Variants in PDIA2 observed in about 807,000 individuals in gnomAD.
PDIA2 encodes the protein protein disulfide isomerase family A member 2.
A neutral mutation model predicts 51.1 loss-of-function variants in PDIA2; 76 were observed. That is an observed-to-expected ratio of 1.49 (90% confidence interval 1.24 to 1.80). The LOEUF is 1.80. Ranked by LOEUF, PDIA2 falls within the 40% of genes most tolerant of loss-of-function variation. The probability of loss-of-function intolerance (pLI) is 0.00; values close to 1 mark genes in which losing one functional copy is unlikely to be tolerated. For missense variants in PDIA2, 946 were observed against 706.5 expected (o/e 1.34, Z -3.84); for synonymous variants, 429 against 309.9 (o/e 1.38, Z -4.04).
chr16:283,611 C>G (rs568187547), intron 1 of PDIA2, among the ~76,000 whole-genome samples: 47 of 152,326 alleles, frequency 3.1e-4, no homozygotes, highest in Non-Finnish European at 6.3e-4. Context: ...CCTCCCTGCT[C>G]GGCCAGCGGC....
In PDIA2 at chr16:284,669, C is replaced by T. The variant is rs371295733; in HGVS notation, c.417C>T (p.Asp139=). 4.8e-5 allele frequency: 77 copies of T among 1,593,514 alleles called. 2 individuals carry two copies. The highest frequency in any genetic ancestry group is 2.1e-4 in the South Asian group (19 of 89,786). ...THPEEYTGPR[D]AEGIAEWLRR... ...GGGGACTCCCTGCAGGACCACGGGA[C>T]GCTGAGGGCATTGCCGAGTGGCTGC... Residue 139 remains aspartate (D), a synonymous_variant, in exon 3 of 11, where the codon GAC becomes GAT. Transcript: ENST00000219406.
chr16:283,743 T>C (rs1182443684), intron 1 of PDIA2, among the ~76,000 whole-genome samples: 2 of 152,212 alleles, frequency 1.3e-5, no homozygotes, highest in African/African-American at 4.8e-5. Flanking sequence ...CTGACGTGTG[T>C]GCCCTGTGGT....
chr16:284,462 C>T lies in PDIA2; in HGVS notation c.275C>T (p.Ser92Leu), dbSNP rs754129630. ...GCAGCTGCCGTGCTCGCGGCCGAGT[C>T]AATGGTGGTCACGCTGGCCAAGGTG... ...SKAAAVLAAE[S>L]MVVTLAKVDG... The change falls in exon 2 of 11, where the codon TCA (serine) becomes TTA (leucine). Residue 92 changes from serine to leucine, a missense_variant. Transcript: ENST00000219406. 21 of 1,604,030 alleles carry T rather than the reference C, an allele frequency of 1.3e-5. No homozygotes were observed. The highest frequency in any genetic ancestry group is 1.8e-5 in the Non-Finnish European group (21 of 1,176,454).
At position 284,419 on chromosome 16, in the gene PDIA2, G is replaced by T; in HGVS notation, c.232G>T (p.Ala78Ser). 2 of 1,578,038 alleles carry T rather than the reference G, an allele frequency of 1.3e-6. No homozygotes were observed. The change falls in exon 2 of 11, where the codon GCC (alanine) becomes TCC (serine). Residue 78 changes from alanine (A) to serine (S), a missense_variant. Transcript: ENST00000219406. Reference protein sequence around the residue: ...APWCGHCQALAPEYSKAAAVL... With the variant: ...APWCGHCQALSPEYSKAAAVL... ...GTGGTGTGGGCACTGCCAGGCCCTG[G>T]CCCCCGAGTACAGCAAGGCAGCTGC...
chr16:284,092 T>A (rs893221169), intron 1 of PDIA2: 2 of 485,778 alleles, frequency 4.1e-6, no homozygotes, highest in African/African-American at 3.9e-5. Flanking sequence ...GGTCTCGAAC[T>A]CCCAACCTCA....
rs958142075 is a variant in PDIA2 at position 283,194 on chromosome 16, C to T, written c.25C>T (p.Leu9=). The change falls in exon 1 of 11, where the codon CTG becomes TTG. Residue 9 remains leucine (L), a synonymous_variant. Coordinates refer to ENST00000219406, the MANE Select transcript of PDIA2 (RefSeq NM_006849.4). MSRQLLPV[L]LLLLLRASCP... ...CATGAGCCGCCAGCTTCTGCCTGTA[C>T]TGCTGCTGCTGCTGCTCAGGGCTTC... 1.3e-6 allele frequency: 2 copies of T among 1,564,146 alleles called. No homozygotes were observed. The highest frequency in any genetic ancestry group is 1.7e-6 in the Non-Finnish European group (2 of 1,154,262).
In PDIA2 at chr16:284,709, C is replaced by T; in HGVS notation, c.457C>T (p.Pro153Ser). The T allele has an allele frequency of 1.3e-6, 2 of 1,576,454 alleles. No homozygotes were observed. Among genetic ancestry groups the T allele is most frequent in the South Asian group, 1.1e-5 (1 of 88,090 alleles). Residue 153 changes from proline (P) to serine (S), a missense_variant, in exon 3 of 11, where the codon CCC becomes TCC. Pro to Ser is a moderately conservative substitution (Grantham distance 74). Coordinates refer to ENST00000219406, the MANE Select transcript of PDIA2 (RefSeq NM_006849.4). ...CGAGTGGCTGCGACGGCGGGTGGGG[C>T]CCAGTGCCATGCGGCTGGAGGACGA... ...IAEWLRRRVG[P>S]SAMRLEDEAA...
chr16:285,885 CCCCAAACCCGCGGTTCT>C (rs2052353569), intron 7 of PDIA2, among the ~76,000 whole-genome samples, 182 bp downstream of exon 7: 5 of 121,470 alleles, frequency 4.1e-5, no homozygotes, highest in Non-Finnish European at 3.7e-5. Context: ...GTTCTCCCAA[CCCCAAACCCGCGGTTCT>C]CCCAACCCCA....
At position 284,758 on chromosome 16, in the gene PDIA2, G is replaced by C. The variant is rs775081375; in HGVS notation, c.506G>C (p.Gly169Ala). ...EDEAAAQALI[G>A]GRDLVVIGFF... ...GAGGCGGCCGCCCAGGCGCTGATCGGTGGCCGGGACCTAGTGGTCATTGGC... is the reference window on the plus strand; with the variant it reads ...GAGGCGGCCGCCCAGGCGCTGATCGCTGGCCGGGACCTAGTGGTCATTGGC... The change falls in exon 3 of 11, where the codon GGT becomes GCT. Residue 169 changes from glycine (G) to alanine (A), a missense_variant. Coordinates refer to ENST00000219406, the MANE Select transcript of PDIA2 (RefSeq NM_006849.4). The C allele has an allele frequency of 6.4e-7, 1 of 1,563,870 alleles. No individual in the cohort carries two copies. The highest frequency in any genetic ancestry group is 8.6e-7 in the Non-Finnish European group (1 of 1,159,790).
intron 10 of PDIA2, 59 bp downstream of exon 10, chr16:287,004 G>A (rs1034068454): frequency 9.9e-6 from 16 of 1,611,990 alleles, no homozygotes; most frequent in African/African-American, 1.3e-5. Flanking sequence ...ACACAGGGCT[G>A]GCAGGGGCGG....
At position 285,682 on chromosome 16, in the gene PDIA2, A is replaced by G. The variant is rs761341072; in HGVS notation, c.1098A>G (p.Ala366=). 2.5e-6 allele frequency: 4 copies of G among 1,613,092 alleles called. No individual in the cohort carries two copies. Among genetic ancestry groups the G allele is most frequent in the East Asian group, 4.5e-5 (2 of 44,874 alleles). Residue 366 remains alanine (A), a synonymous_variant, in exon 7 of 11, where the codon GCA becomes GCG. Coordinates refer to ENST00000219406, the MANE Select transcript of PDIA2 (RefSeq NM_006849.4). ...CGTCCATCACTGCTTTCTGCCATGC[A>G]GTCCTCAACGGCCAAGTCAAGGTCC... ...TAASITAFCH[A]VLNGQVKPYL...
In PDIA2 at chr16:285,202, T is replaced by C; in HGVS notation, c.795+2T>C. The C allele has an allele frequency of 6.2e-7, 1 of 1,612,972 alleles. No homozygotes were observed. Among genetic ancestry groups the C allele is most frequent in the Non-Finnish European group, 8.5e-7 (1 of 1,179,980 alleles). ...CTGGTCACGGAGTTCAACAGCCAGG[T>C]GCGTAGGCTGCAGTGCCTGGGCTGG... is the stretch of plus-strand genomic sequence containing the variant. On this transcript the variant is annotated splice_donor_variant, in intron 5 of 10. Transcript: ENST00000219406. LOFTEE classifies it high-confidence loss of function.
chr16:286,872 T>A lies in PDIA2; in HGVS notation c.1460T>A (p.Phe487Tyr). 1 of 1,607,424 alleles carries A rather than the reference T, an allele frequency of 6.2e-7. No individual in the cohort carries two copies. The highest frequency in any genetic ancestry group is 8.5e-7 in the Non-Finnish European group (1 of 1,178,100). ...AAAAGCACCAGGGACCTGGAGACTT[T>A]CTCCAAGTTCCTGGACAACGGGGGC... ...EYKSTRDLET[F>Y]SKFLDNGGVL... The change falls in exon 10 of 11, where the codon TTC becomes TAC. Residue 487 changes from phenylalanine (F) to tyrosine (Y), a missense_variant. By Grantham distance (22) the Phe-to-Tyr change is conservative (BLOSUM62 3). Transcript: ENST00000219406.
chr16:286,462 T>G lies in PDIA2; in HGVS notation c.1229T>G (p.Phe410Cys), dbSNP rs778740518. The change falls in exon 8 of 11, where the codon TTT (phenylalanine) becomes TGT (cysteine). Residue 410 changes from phenylalanine to cysteine, a missense_variant. Transcript: ENST00000219406. ...GCTTTTGACGAAACCAAGAATGTGT[T>G]TGTCAAGTTCTGTGAGTGTTGAGGG... The part of the protein sequence containing the change: ...QVAFDETKNV[F>C]VKFYAPWCTH... The G allele has an allele frequency of 5.3e-5, 85 of 1,612,810 alleles. No individual in the cohort carries two copies. The highest frequency in any genetic ancestry group is 4.0e-4 in the South Asian group (36 of 91,046).
chr16:286,527 G>C (rs1035192346), intron 8 of PDIA2, 27 bp from the exon 9 acceptor site: 93 of 1,612,574 alleles, frequency 5.8e-5, no homozygotes, highest in Middle Eastern at 3.3e-4. Flanking sequence ...CTGCCCAGAT[G>C]GCTGTGCTCA....
At chr16:283,957 C>A (rs1596939952) in intron 1 of PDIA2, among the ~76,000 whole-genome samples, 1 of 152,192 alleles carries the variant, frequency 6.6e-6, no homozygotes, top group East Asian at 1.9e-4. Flanking sequence ...CTCCGCCTCC[C>A]AGGTTCAAGC....
At position 286,825 on chromosome 16, in the gene PDIA2, C is replaced by T. The variant is rs190037855; in HGVS notation, c.1423-10C>T. 204 of 1,611,344 alleles carry T rather than the reference C, an allele frequency of 1.3e-4. No homozygotes were observed. In the African/African-American group the frequency reaches 2.5e-3, roughly 20 times the overall value. ...CCACGTGTCCTCCAGATCCCCCTGC[C>T]TCTTCTCAGGTGATTGAATACAAAA... On this transcript the variant is annotated splice_polypyrimidine_tract_variant and intron_variant, in intron 9 of 10. Transcript: ENST00000219406.
In PDIA2 at chr16:284,737, C is replaced by A; in HGVS notation, c.485C>A (p.Ala162Glu). The change falls in exon 3 of 11, where the codon GCG becomes GAG. Residue 162 changes from alanine (A) to glutamate (E), a missense_variant. By Grantham distance (107) the Ala-to-Glu change is moderately radical. Transcript: ENST00000219406. ...AGTGCCATGCGGCTGGAGGACGAGG[C>A]GGCCGCCCAGGCGCTGATCGGTGGC... is the stretch of plus-strand genomic sequence containing the variant. ...GPSAMRLEDE[A>E]AAQALIGGRD... 1 of 1,562,054 alleles carries A rather than the reference C, an allele frequency of 6.4e-7. No homozygotes were observed.
chr16:284,923 G>T lies in PDIA2; in HGVS notation c.586G>T (p.Asp196Tyr). The T allele has an allele frequency of 6.2e-7, 1 of 1,612,942 alleles. No homozygotes were observed. The highest frequency in any genetic ancestry group is 8.5e-7 in the Non-Finnish European group (1 of 1,179,698). ...DVATFLALAQ[D>Y]ALDMTFGLTD... ...GGCCACCTTCTTGGCCTTGGCCCAG[G>T]ACGCCCTGGACATGACCTTTGGCCT... The change falls in exon 4 of 11, where the codon GAC becomes TAC. Residue 196 changes from aspartate (D) to tyrosine (Y), a missense_variant. By Grantham distance (160) the Asp-to-Tyr change is radical (BLOSUM62 -3). Coordinates refer to ENST00000219406, the MANE Select transcript of PDIA2 (RefSeq NM_006849.4).
Sources: allele counts gnomAD v4.1 joint callset (sites outside exome capture counted in the v4.1 genomes callset), GRCh38; gene constraint gnomAD v4.1.1; transcripts MANE v1.5; gene names NCBI Gene and HGNC (gene_info 2026-07-23, HGNC 2026-07-21).